PCDHA2: variants seen among roughly 807,000 people sequenced by gnomAD.
The protein encoded by PCDHA2 is protocadherin alpha 2.
In PCDHA2, 58 loss-of-function variants were observed where a neutral mutation model predicts 66.0. That is an observed-to-expected ratio of 0.88 (90% CI 0.71 to 1.09). PCDHA2 has a LOEUF of 1.09. Among genes scored for constraint, PCDHA2 ranks in the 50% least tolerant of loss-of-function variants. The probability of loss-of-function intolerance (pLI) is 0.00; values close to 1 mark genes in which losing one functional copy is unlikely to be tolerated. For synonymous variants in PCDHA2, 634 were observed against 554.0 expected (o/e 1.14, Z -2.03); for missense variants, 1,267 against 1,242.3 (o/e 1.02, Z -0.30).
intron 1 of PCDHA2, among the ~76,000 whole-genome samples, chr5:140,799,318 G>T (rs1381321002): frequency 1.3e-5 from 2 of 151,844 alleles, no homozygotes; most frequent in African/African-American, 4.8e-5. Flanking sequence ...ACTCTTAAAG[G>T]TACTGAAAAG....
At chr5:140,849,104 A>G in intron 1 of PCDHA2, 1 of 1,463,110 alleles carries the variant, frequency 6.8e-7, no homozygotes, top group Non-Finnish European at 9.3e-7. Flanking sequence ...TAGACAGAGA[A>G]GAAACTCCGG....
rs1554146062 is a variant in PCDHA2, at chr5:140,852,704, C to G, written c.2388+55352C>G. The G allele has an allele frequency of 8.2e-6, 8 of 978,408 alleles. 1 individual carries two copies. The highest frequency in any genetic ancestry group is 7.4e-6 in the Non-Finnish European group (6 of 811,580). The allele number at this position is 978,408 out of a possible 1,614,324, so 60.6% of individuals were successfully genotyped here. ...AATATAGTCTTATACTTTCAAGTAT[C>G]TTTGTCTTTGCACGTTTTTCAAGTT... On this transcript the variant is annotated intron_variant, in intron 1 of 3. Transcript: ENST00000526136.
At position 140,927,034 on chromosome 5, in the gene PCDHA2, G is replaced by A. The variant is rs782732545; in HGVS notation, c.2389-51915G>A. ...CTCCGCGGACTTGAGGCTGCCAGCG[G>A]CCGCTATGTCCTCGCGGAACTTTCG... On this transcript the variant is annotated intron_variant, in intron 1 of 3. Coordinates refer to ENST00000526136, the MANE Select transcript of PCDHA2 (RefSeq NM_018905.3). 6 of 1,612,400 alleles carry A rather than the reference G, an allele frequency of 3.7e-6. No individual in the cohort carries two copies. The East Asian group carries it at 8.9e-5, about 24-fold the overall frequency.
chr5:140,985,899 C>T (rs1303947192), intron 3 of PCDHA2, among the ~76,000 whole-genome samples: 2 of 152,020 alleles, frequency 1.3e-5, no homozygotes, highest in African/African-American at 4.8e-5. Flanking sequence ...GCCACCACTC[C>T]CGTCTAATTT....
intron 1 of PCDHA2, chr5:140,843,659 C>T (rs2150364623): frequency 2.5e-6 from 4 of 1,594,466 alleles, no homozygotes; most frequent in Admixed American, 1.7e-5. Flanking sequence ...TCCTCCTGAT[C>T]TGGGATCAGT....
chr5:140,871,061 A>T, intron 1 of PCDHA2: 1 of 1,613,200 alleles, frequency 6.2e-7, no homozygotes, highest in South Asian at 1.1e-5. Flanking sequence ...GTGAAGGATC[A>T]CGGTGAGCCG....
chr5:140,896,561 G>C (rs1562891119), intron 1 of PCDHA2, among the ~76,000 whole-genome samples: 2 of 150,758 alleles, frequency 1.3e-5, no homozygotes, highest in Non-Finnish European at 2.9e-5. Flanking sequence ...ATTTTAAGTA[G>C]AGATGGGGTT....
At chr5:140,992,188 T>C (rs1193005639) in intron 3 of PCDHA2, among the ~76,000 whole-genome samples, 6 of 152,140 alleles carry the variant, frequency 3.9e-5, no homozygotes, top group African/African-American at 1.4e-4. Flanking sequence ...ATGCTTTCAG[T>C]GATCTATCCA....
At chr5:140,870,318 G>T in intron 1 of PCDHA2, 1 of 1,614,178 alleles carries the variant, frequency 6.2e-7, no homozygotes, top group Non-Finnish European at 8.5e-7. Context: ...ATTACTACTC[G>T]TTGGTGCTGG....
chr5:140,911,075 A>G (rs1554194593), intron 1 of PCDHA2, among the ~76,000 whole-genome samples: 1 of 152,076 alleles, frequency 6.6e-6, no homozygotes, highest in Admixed American at 6.6e-5. Context: ...GAGGAGAATC[A>G]ACATTATCTT....
At chr5:140,982,795 AT>A (rs2097005249) in intron 3 of PCDHA2, among the ~76,000 whole-genome samples, 1 of 151,516 alleles carries the variant, frequency 6.6e-6, no homozygotes, top group African/African-American at 2.4e-5. Flanking sequence ...GCATGTGTGC[AT>A]GTGTGTGTGT....
In PCDHA2 at chr5:140,795,890, A is replaced by G. The variant is rs1156745166; in HGVS notation, c.926A>G (p.Asp309Gly). 2 of 1,614,060 alleles carry G rather than the reference A, an allele frequency of 1.2e-6. No homozygotes were observed. Among genetic ancestry groups the G allele is most frequent in the Admixed American group, 1.7e-5 (1 of 60,028 alleles). Residue 309 changes from aspartate to glycine, a missense_variant, in exon 1 of 4, where the codon GAT becomes GGT. Transcript: ENST00000526136. ...GAAATCAGAACTAAGGGAAAATTAGATTATGAAGAAGCAAAGTCCTACGAG... is the reference window on the plus strand; with the variant it reads ...GAAATCAGAACTAAGGGAAAATTAGGTTATGAAGAAGCAAAGTCCTACGAG... ...SGEIRTKGKL[D>G]YEEAKSYEIQ...
At chr5:140,882,991 AT>A (rs1554176407) in intron 1 of PCDHA2, 2 of 1,614,112 alleles carry the variant, frequency 1.2e-6, no homozygotes, top group Non-Finnish European at 1.7e-6. Flanking sequence ...ACGCCCCGGA[AT>A]TTTACCAATC....
chr5:140,913,284 G>A (rs1201275371), intron 1 of PCDHA2, among the ~76,000 whole-genome samples: 1 of 152,026 alleles, frequency 6.6e-6, no homozygotes, highest in Non-Finnish European at 1.5e-5. Context: ...GTCTGTTTAG[G>A]TTTTAATTTC....
intron 1 of PCDHA2, chr5:140,928,545 T>C: frequency 6.2e-7 from 1 of 1,614,220 alleles, no homozygotes; most frequent in Non-Finnish European, 8.5e-7. Flanking sequence ...GGAATGACAA[T>C]TATCCGGTTA....
chr5:140,986,777 G>A (rs1203790689), intron 3 of PCDHA2, among the ~76,000 whole-genome samples: 5 of 152,234 alleles, frequency 3.3e-5, no homozygotes, highest in Admixed American at 6.5e-5. Flanking sequence ...ATTAGGTAGC[G>A]GAAGCCACTA....
rs139512124 is a variant in PCDHA2 at position 140,802,478 on chromosome 5, T to A, written c.2388+5126T>A. The A allele has an allele frequency of 4.5e-4, 720 of 1,614,166 alleles. 5 individuals carry two copies. The East Asian group carries it at 0.012, about 27-fold the overall frequency. On this transcript the variant is annotated intron_variant, in intron 1 of 3. Coordinates refer to ENST00000526136, the MANE Select transcript of PCDHA2 (RefSeq NM_018905.3). ...CGGCCTATGAGCTGGTGGTGACTGC[T>A]CGGGACGGGGGCTCGCCTTCACTGT...
chr5:140,922,049 T>G (rs1368623726), intron 1 of PCDHA2, among the ~76,000 whole-genome samples: 1 of 152,066 alleles, frequency 6.6e-6, no homozygotes, highest in African/African-American at 2.4e-5. Context: ...CCCACATACC[T>G]TCAAAATGTA....
intron 1 of PCDHA2, among the ~76,000 whole-genome samples, chr5:140,838,461 T>C (rs2150289673): frequency 4.0e-5 from 6 of 151,692 alleles, no homozygotes; most frequent in Non-Finnish European, 7.4e-5. Context: ...ATTATTTCAT[T>C]AGCGCTTATT....
Sources: gnomAD v4.1 joint callset for allele counts (sites outside exome capture counted in the v4.1 genomes callset) on GRCh38, gnomAD v4.1.1 for gene constraint, MANE v1.5 for transcripts, NCBI Gene and HGNC (gene_info 2026-07-23, HGNC 2026-07-21) for gene names.